The following EFCAB3 variants were observed in gnomAD, a reference collection of about 807,000 sequenced individuals.
EFCAB3 encodes the protein EF-hand calcium binding domain 3.
A neutral mutation model predicts 42.2 loss-of-function variants in EFCAB3; 36 were observed. The observed-to-expected ratio is 0.85, with a 90% confidence interval of 0.65 to 1.13. EFCAB3 has a LOEUF of 1.13. Ranked by LOEUF, EFCAB3 falls within the 50% of genes most tolerant of loss-of-function variation. EFCAB3 has a pLI of 0.00. For missense variants in EFCAB3, 418 were observed against 505.1 expected (o/e 0.83, Z 1.65); for synonymous variants, 170 against 172.8 (o/e 0.98, Z 0.13).
chr17:62,398,004 A>C (rs2070365991), intron 6 of EFCAB3: 1 of 190,004 alleles, frequency 5.3e-6, no homozygotes, highest in Non-Finnish European at 1.0e-5. Flanking sequence ...CAGCCTGGGC[A>C]ATGAGAGCGA....
At chr17:62,404,126 A>G (rs1413275245) in intron 6 of EFCAB3, among the ~76,000 whole-genome samples, 1 of 152,176 alleles carries the variant, frequency 6.6e-6, no homozygotes, top group Admixed American at 6.5e-5. Context: ...GCAGGCCTGT[A>G]GTTACAGCTA....
chr17:62,416,200 A>G lies in EFCAB3; in HGVS notation c.1188A>G (p.Leu396=), dbSNP rs1335223900. 2 of 1,613,928 alleles carry G rather than the reference A, an allele frequency of 1.2e-6. No homozygotes were observed. Among genetic ancestry groups the G allele is most frequent in the Middle Eastern group, 1.7e-4 (1 of 6,056 alleles). Residue 396 remains leucine (L), a synonymous_variant, in exon 10 of 10, where the codon TTA becomes TTG. Coordinates refer to ENST00000305286, the MANE Select transcript of EFCAB3 (RefSeq NM_173503.4). ...QELLSPKDLR[L]YDAYVNRNSS... Reference sequence around the variant, plus strand: ...TACTTTCTCCTAAGGACTTAAGGTTATATGATGCCTATGTGAATAGAAATT... The same window carrying G: ...TACTTTCTCCTAAGGACTTAAGGTTGTATGATGCCTATGTGAATAGAAATT...
chr17:62,390,161 A>T (rs1037249779), intron 3 of EFCAB3, among the ~76,000 whole-genome samples: 6 of 152,250 alleles, frequency 3.9e-5, no homozygotes, highest in African/African-American at 1.2e-4. Context: ...AAATGGGGTC[A>T]CAGTGTACTT....
upstream of EFCAB3, among the ~76,000 whole-genome samples, chr17:62,380,132 G>A (rs1158655306): frequency 3.9e-5 from 6 of 152,248 alleles, no homozygotes; most frequent in Admixed American, 2.6e-4. Context: ...CTCCTGAGTA[G>A]CTGGGATTAC....
intron 3 of EFCAB3, among the ~76,000 whole-genome samples, chr17:62,388,820 T>C (rs2070278270): frequency 6.6e-6 from 1 of 152,224 alleles, no homozygotes; most frequent in African/African-American, 2.4e-5. Flanking sequence ...CAGATTGGCA[T>C]TTTTCATTGT....
upstream of EFCAB3, chr17:62,378,075 T>TA (rs2070164418): frequency 1.3e-5 from 18 of 1,388,602 alleles, no homozygotes; most frequent in Non-Finnish European, 1.7e-5. Flanking sequence ...TACTTTGACT[T>TA]ACATTTTTTA....
intron 6 of EFCAB3, among the ~76,000 whole-genome samples, chr17:62,405,066 GA>G (rs1478334370): frequency 6.6e-6 from 1 of 152,166 alleles, no homozygotes; most frequent in Non-Finnish European, 1.5e-5. Context: ...TCAGGGCCAA[GA>G]ATTTGTATTT....
At chr17:62,414,352 C>G (rs553058441) in intron 9 of EFCAB3, among the ~76,000 whole-genome samples, 1 of 152,168 alleles carries the variant, frequency 6.6e-6, no homozygotes, top group Admixed American at 6.5e-5. Flanking sequence ...TCAATCTATC[C>G]TCCTTGGTTC....
At chr17:62,377,973 G>A, upstream of EFCAB3, 1 of 1,548,616 alleles carries the variant, frequency 6.5e-7, no homozygotes, top group Non-Finnish European at 8.7e-7. Context: ...TTAAGCAAAA[G>A]GAATGGTGAC....
chr17:62,395,831 A>C (rs1438649837), intron 6 of EFCAB3, among the ~76,000 whole-genome samples: 1 of 152,164 alleles, frequency 6.6e-6, no homozygotes, highest in Non-Finnish European at 1.5e-5. Context: ...TGCTATTATC[A>C]GTCTTTTCAA....
At chr17:62,374,948 A>C (rs2070139062) in intron 2 of EFCAB3, among the ~76,000 whole-genome samples, 1 of 152,114 alleles carries the variant, frequency 6.6e-6, no homozygotes, top group Non-Finnish European at 1.5e-5. Context: ...CTCCATCTCT[A>C]CACAAAATTA....
chr17:62,412,505 C>T (rs2070508084), intron 8 of EFCAB3, among the ~76,000 whole-genome samples: 1 of 152,084 alleles, frequency 6.6e-6, no homozygotes, highest in East Asian at 1.9e-4. Context: ...AACTTTGTCA[C>T]CCAGGCTGGA....
upstream of EFCAB3, among the ~76,000 whole-genome samples, chr17:62,379,397 G>A (rs1348009402): frequency 1.4e-5 from 2 of 139,474 alleles, no homozygotes; most frequent in African/African-American, 2.7e-5. Flanking sequence ...TCAACCCTGG[G>A]CAACATAGTG....
At chr17:62,385,721 T>G (rs1305043834) in intron 2 of EFCAB3, among the ~76,000 whole-genome samples, 1 of 137,900 alleles carries the variant, frequency 7.3e-6, no homozygotes. Context: ...TTTTACTTTT[T>G]TTTTTTTTTT....
At chr17:62,392,858 C>T (rs2070316318) in intron 4 of EFCAB3, among the ~76,000 whole-genome samples, 6 of 151,994 alleles carry the variant, frequency 3.9e-5, no homozygotes, top group Admixed American at 3.9e-4. Flanking sequence ...AGGATGGTCT[C>T]GATCTCCTGA....
chr17:62,372,926 T>A (rs7342849), intron 1 of EFCAB3, among the ~76,000 whole-genome samples: 1 of 152,150 alleles, frequency 6.6e-6, no homozygotes, highest in Non-Finnish European at 1.5e-5. Flanking sequence ...TTCCTTCTTA[T>A]TTTTGTCCCT....
At chr17:62,392,630 T>C (rs915028930) in intron 4 of EFCAB3, among the ~76,000 whole-genome samples, 2 of 152,086 alleles carry the variant, frequency 1.3e-5, no homozygotes, top group Non-Finnish European at 2.9e-5. Context: ...TTTTAAAGCA[T>C]ACAGATAATG....
chr17:62,408,819 A>C (rs1038210907), intron 8 of EFCAB3, among the ~76,000 whole-genome samples: 2 of 152,136 alleles, frequency 1.3e-5, no homozygotes, highest in African/African-American at 4.8e-5. Flanking sequence ...TTCCTCTTAC[A>C]GACTAGACGT....
chr17:62,373,072 G>A (rs1022255186), intron 1 of EFCAB3, among the ~76,000 whole-genome samples: 1 of 151,528 alleles, frequency 6.6e-6, no homozygotes, highest in Non-Finnish European at 1.5e-5. Flanking sequence ...CTTGAGACCA[G>A]GAGTTCGAGA....
Sources: allele counts gnomAD v4.1 joint callset (sites outside exome capture counted in the v4.1 genomes callset), GRCh38; gene constraint gnomAD v4.1.1; transcripts MANE v1.5; gene names NCBI Gene and HGNC (gene_info 2026-07-23, HGNC 2026-07-21).